The following SNX13 variants were observed in gnomAD, a reference collection of about 807,000 sequenced individuals.
SNX13 encodes the protein sorting nexin 13.
In SNX13, 45 loss-of-function variants were observed where a neutral mutation model predicts 133.6. The observed-to-expected ratio is 0.34, with a 90% CI of 0.27 to 0.43. The LOEUF is 0.43. Among genes scored for constraint, SNX13 ranks in the 20% least tolerant of loss-of-function variants. The probability of loss-of-function intolerance (pLI) is 1.00; values close to 1 mark genes in which losing one functional copy is unlikely to be tolerated. For missense variants in SNX13, 1,032 were observed against 1,145.1 expected (o/e 0.90, Z 1.43); for synonymous variants, 414 against 373.9 (o/e 1.11, Z -1.24).
At chr7:17,806,747 C>T (rs1390676240) in intron 20 of SNX13, among the ~76,000 whole-genome samples, 3 of 152,084 alleles carry the variant, frequency 2.0e-5, no homozygotes, top group Non-Finnish European at 4.4e-5. Flanking sequence ...CCATTTCCAA[C>T]TGAGGTACCC....
chr7:17,819,075 A>C (rs577186706), intron 18 of SNX13, among the ~76,000 whole-genome samples: 1 of 152,336 alleles, frequency 6.6e-6, no homozygotes, highest in South Asian at 2.1e-4. Flanking sequence ...GAAAAGCTTA[A>C]GAAATATTTG....
chr7:17,816,451 C>T (rs755634988), intron 18 of SNX13, among the ~76,000 whole-genome samples, 162 bp from the exon 19 acceptor site: 10 of 152,124 alleles, frequency 6.6e-5, no homozygotes, highest in South Asian at 4.1e-4. Context: ...CACCTGAGGT[C>T]GGGAGTTTGA....
At chr7:17,830,805 C>T in intron 15 of SNX13, 2 of 983,028 alleles carry the variant, frequency 2.0e-6, no homozygotes, top group Non-Finnish European at 2.4e-6. Context: ...AATATTCATA[C>T]ACAGTTTAAT....
intron 8 of SNX13, among the ~76,000 whole-genome samples, chr7:17,872,367 G>GTTAT (rs1794215703): frequency 6.6e-6 from 1 of 152,188 alleles, no homozygotes; most frequent in African/African-American, 2.4e-5. Flanking sequence ...GAGATTCCAC[G>GTTAT]TAACAGTAGC....
chr7:17,807,286 C>G (rs1785417649), intron 20 of SNX13, among the ~76,000 whole-genome samples: 1 of 151,816 alleles, frequency 6.6e-6, no homozygotes, highest in African/African-American at 2.4e-5. Flanking sequence ...GGGCGCCCAG[C>G]TAGGTGGGGG....
At chr7:17,864,657 G>A (rs1175141536) in intron 9 of SNX13, among the ~76,000 whole-genome samples, 3 of 151,882 alleles carry the variant, frequency 2.0e-5, no homozygotes, top group Admixed American at 6.6e-5. Context: ...GGTACAAGAA[G>A]GTCGAAAAAC....
chr7:17,880,973 AGAG>A (rs1412657623), intron 5 of SNX13: 1 of 152,128 alleles, frequency 6.6e-6, no homozygotes, highest in Admixed American at 6.5e-5. Context: ...TTGCCTGACT[AGAG>A]GAGAGGGTGA....
At chr7:17,930,237 T>C (rs1044624881) in intron 1 of SNX13, among the ~76,000 whole-genome samples, 1 of 152,238 alleles carries the variant, frequency 6.6e-6, no homozygotes, top group African/African-American at 2.4e-5. Context: ...CATTCATTTA[T>C]AAGTCACACA....
intron 9 of SNX13, among the ~76,000 whole-genome samples, chr7:17,864,311 A>T (rs1793097805): frequency 6.6e-6 from 1 of 152,244 alleles, no homozygotes; most frequent in Admixed American, 6.5e-5. Context: ...TCAGAATTCT[A>T]TTGAGAAATT....
intron 17 of SNX13, 129 bp downstream of exon 17, chr7:17,825,893 C>T (rs1787854283): frequency 1.8e-6 from 1 of 563,126 alleles, no homozygotes. Flanking sequence ...GGACATGCTG[C>T]AGAAAAAAAG....
Position 17,798,686 on chromosome 7 carries a change from A to G in SNX13, c.2513+4T>C. ...GAAAGAAGTGACTGTGTCTTAAGAT[A>G]TACCTGAAACGTTTCACTGAGTCGG... On this transcript the variant is annotated splice_donor_region_variant and intron_variant, in intron 24 of 25. Coordinates refer to ENST00000428135, the MANE Select transcript of SNX13 (RefSeq NM_015132.5). 1 of 1,569,674 alleles carries G rather than the reference A, an allele frequency of 6.4e-7. No individual in the cohort carries two copies. The highest frequency in any genetic ancestry group is 8.7e-7 in the Non-Finnish European group (1 of 1,155,966).
chr7:17,895,947 C>T (rs918106348), intron 2 of SNX13, among the ~76,000 whole-genome samples: 4 of 152,110 alleles, frequency 2.6e-5, no homozygotes, highest in African/African-American at 9.7e-5. Flanking sequence ...TTCAATCTTA[C>T]AAGGGCTAAT....
intron 16 of SNX13, among the ~76,000 whole-genome samples, chr7:17,828,564 G>A (rs1024061780): frequency 3.3e-5 from 5 of 151,474 alleles, no homozygotes; most frequent in African/African-American, 4.8e-5. Context: ...ATAAACTATC[G>A]TGATCTAGTT....
chr7:17,820,547 G>A (rs1258435127), intron 18 of SNX13, among the ~76,000 whole-genome samples: 2 of 151,888 alleles, frequency 1.3e-5, no homozygotes, highest in Non-Finnish European at 2.9e-5. Context: ...TTTTAATATA[G>A]GCTTCAGAAG....
chr7:17,834,911 C>A (rs777600001), intron 13 of SNX13, 46 bp from the exon 14 acceptor site: 1 of 1,080,924 alleles, frequency 9.3e-7, no homozygotes, highest in South Asian at 1.4e-5. Flanking sequence ...TTTCTTAATA[C>A]AAGATGATAC....
chr7:17,875,945 A>T (rs1345757984), intron 5 of SNX13, among the ~76,000 whole-genome samples, 155 bp from the exon 6 acceptor site: 1 of 152,246 alleles, frequency 6.6e-6, no homozygotes, highest in Non-Finnish European at 1.5e-5. Flanking sequence ...ACTGTTTCAC[A>T]AGATTCAAAG....
At chr7:17,823,835 G>A (rs557838956) in intron 17 of SNX13, among the ~76,000 whole-genome samples, 48 of 152,192 alleles carry the variant, frequency 3.2e-4, no homozygotes, top group African/African-American at 1.1e-3. Flanking sequence ...GAAAGCAGAG[G>A]CCAATTAGGC....
chr7:17,848,075 C>A (rs1030908721), intron 11 of SNX13, among the ~76,000 whole-genome samples: 8 of 152,120 alleles, frequency 5.3e-5, no homozygotes, highest in Non-Finnish European at 1.2e-4. Flanking sequence ...TCCTAAACCA[C>A]CCATGGCCGC....
At chr7:17,879,494 T>G (rs1220363274) in intron 5 of SNX13, 1 of 152,252 alleles carries the variant, frequency 6.6e-6, no homozygotes, top group Non-Finnish European at 1.5e-5. Context: ...CTGTTTACAA[T>G]GGGTGTTTGG....
Sources: gnomAD v4.1 joint callset for allele counts (sites outside exome capture counted in the v4.1 genomes callset) on GRCh38, gnomAD v4.1.1 for gene constraint, MANE v1.5 for transcripts, NCBI Gene and HGNC (gene_info 2026-07-23, HGNC 2026-07-21) for gene names.